The following LRMDA variants were observed in gnomAD, a reference collection of about 807,000 sequenced individuals.
LRMDA encodes the protein leucine-rich melanocyte differentiation-associated protein.
A neutral mutation model predicts 29.8 loss-of-function variants in LRMDA; 18 were observed. That is an observed-to-expected ratio of 0.60 (90% CI 0.42 to 0.90). LRMDA has a LOEUF of 0.90. Among genes scored for constraint, LRMDA ranks in the 40% least tolerant of loss-of-function variants. LRMDA has a pLI of 0.00. For missense variants in LRMDA, 273 were observed against 273.9 expected (o/e 1.00, Z 0.02); for synonymous variants, 125 against 109.4 (o/e 1.14, Z -0.89).
intron 2 of LRMDA, among the ~76,000 whole-genome samples, chr10:75,738,587 T>C (rs987497318): frequency 6.6e-6 from 1 of 152,178 alleles, no homozygotes; most frequent in African/African-American, 2.4e-5. Flanking sequence ...CAAAACGCCT[T>C]GACTTGGGTG....
At chr10:75,862,534 T>C (rs1844949794) in intron 2 of LRMDA, among the ~76,000 whole-genome samples, 1 of 152,152 alleles carries the variant, frequency 6.6e-6, no homozygotes, top group Non-Finnish European at 1.5e-5. Flanking sequence ...TGGAAGAATT[T>C]ATAAATCCAT....
chr10:76,538,486 A>G (rs1360090975), intron 6 of LRMDA, among the ~76,000 whole-genome samples: 1 of 135,174 alleles, frequency 7.4e-6, no homozygotes, highest in Admixed American at 7.2e-5. Flanking sequence ...ATACATATTT[A>G]TATAGTTATA....
intron 6 of LRMDA, among the ~76,000 whole-genome samples, chr10:76,438,343 G>A (rs920833343): frequency 3.9e-5 from 6 of 152,142 alleles, no homozygotes; most frequent in African/African-American, 7.2e-5. Context: ...CAAACACTGG[G>A]CTTTGGTTAT....
At chr10:76,146,137 T>C (rs1433268847) in intron 5 of LRMDA, among the ~76,000 whole-genome samples, 2 of 152,170 alleles carry the variant, frequency 1.3e-5, no homozygotes, top group Non-Finnish European at 2.9e-5. Flanking sequence ...GGAGTAGGTG[T>C]GGTGTGGTGC....
At chr10:76,363,176 A>AGAAAGAAAGAAAGAAG (rs1459442138) in intron 6 of LRMDA, among the ~76,000 whole-genome samples, 63 of 21,794 alleles carry the variant, frequency 2.9e-3, no homozygotes, top group Admixed American at 6.3e-3. Flanking sequence ...AAAGAAAGAA[A>AGAAAGAAAGAAAGAAG]GGAGGGAGGG....
chr10:75,602,755 G>C (rs1161919696), intron 2 of LRMDA, among the ~76,000 whole-genome samples: 1 of 152,114 alleles, frequency 6.6e-6, no homozygotes, highest in Non-Finnish European at 1.5e-5. Flanking sequence ...TGAAGTGTTG[G>C]CTCATATTGT....
intron 2 of LRMDA, among the ~76,000 whole-genome samples, chr10:75,756,830 T>C (rs1564559806): frequency 1.3e-5 from 2 of 152,216 alleles, no homozygotes; most frequent in Non-Finnish European, 2.9e-5. Flanking sequence ...TTGGTTCAAA[T>C]GATTCTAAAG....
chr10:75,557,550 T>G (rs1012291185), intron 2 of LRMDA, among the ~76,000 whole-genome samples: 3 of 152,100 alleles, frequency 2.0e-5, no homozygotes, highest in Non-Finnish European at 4.4e-5. Context: ...TAAAGGGAAA[T>G]GACTTTCTTA....
intron 6 of LRMDA, among the ~76,000 whole-genome samples, chr10:76,386,991 A>G (rs771560466): frequency 3.3e-5 from 5 of 152,120 alleles, no homozygotes; most frequent in Admixed American, 6.5e-5. Flanking sequence ...AAATAAAACT[A>G]TTACTGAGGG....
intron 6 of LRMDA, among the ~76,000 whole-genome samples, chr10:76,454,627 C>T (rs1389179994): frequency 6.6e-6 from 1 of 150,760 alleles, no homozygotes; most frequent in African/African-American, 2.4e-5. Flanking sequence ...CACCCCCCAC[C>T]CCGCCCGACT....
chr10:76,456,489 G>A (rs1213820479), intron 6 of LRMDA, among the ~76,000 whole-genome samples: 1 of 152,144 alleles, frequency 6.6e-6, no homozygotes, highest in Non-Finnish European at 1.5e-5. Context: ...AGCTGTATTT[G>A]CTCAGGGTGA....
chr10:75,480,558 C>T (rs1844844622), intron 2 of LRMDA, among the ~76,000 whole-genome samples: 1 of 152,254 alleles, frequency 6.6e-6, no homozygotes, highest in South Asian at 2.1e-4. Flanking sequence ...AGACAATGAA[C>T]AAGTGTATTC....
At position 76,378,890 on chromosome 10, in the gene LRMDA, T is replaced by C. The variant is rs142666985; in HGVS notation, c.601+54405T>C. On this transcript the variant is annotated intron_variant, in intron 6 of 6. Coordinates refer to ENST00000611255, the MANE Select transcript of LRMDA (RefSeq NM_001305581.2). ...TTTTTTTTTTGAGACGATGTCTTGCTCTGTCTCCCACGCTGGAGTGCAGTG... is the reference window on the plus strand; with the variant it reads ...TTTTTTTTTTGAGACGATGTCTTGCCCTGTCTCCCACGCTGGAGTGCAGTG... 7.8e-3 allele frequency among the ~76,000 whole-genome samples: 1,056 copies of C among 136,204 alleles called. 28 individuals are homozygous for C. In the South Asian group the frequency reaches 0.093, roughly 12 times the overall value. 89.4% of individuals were successfully genotyped at this position (136,204 alleles called of 152,430 possible).
intron 2 of LRMDA, among the ~76,000 whole-genome samples, chr10:75,846,826 A>G (rs910677883): frequency 2.6e-5 from 4 of 152,230 alleles, no homozygotes; most frequent in African/African-American, 9.6e-5. Context: ...AAACTTGTAC[A>G]AAAAGTATAA....
chr10:75,463,724 A>G (rs1218999410), intron 2 of LRMDA, among the ~76,000 whole-genome samples: 3 of 151,850 alleles, frequency 2.0e-5, no homozygotes, highest in Non-Finnish European at 4.4e-5. Context: ...CTGGAGTGCA[A>G]TGGCGCGATC....
intron 2 of LRMDA, among the ~76,000 whole-genome samples, chr10:75,670,650 C>T (rs772538429): frequency 6.6e-5 from 10 of 152,072 alleles, no homozygotes; most frequent in East Asian, 3.9e-4. Context: ...GCTTGGTGTG[C>T]GTTGACCATT....
chr10:75,640,373 T>C (rs1431355172), intron 2 of LRMDA, among the ~76,000 whole-genome samples: 1 of 152,136 alleles, frequency 6.6e-6, no homozygotes, highest in Non-Finnish European at 1.5e-5. Context: ...ATAGGAACAC[T>C]GGAAATACTA....
intron 5 of LRMDA, among the ~76,000 whole-genome samples, chr10:76,165,663 C>T (rs1455748827): frequency 6.6e-6 from 1 of 152,188 alleles, no homozygotes; most frequent in Non-Finnish European, 1.5e-5. Context: ...GCAAACATAT[C>T]CTTCTTCACA....
intron 2 of LRMDA, among the ~76,000 whole-genome samples, chr10:75,968,115 G>A (rs1169010870): frequency 2.6e-5 from 4 of 152,002 alleles, no homozygotes; most frequent in Admixed American, 6.5e-5. Flanking sequence ...GGGAGTGCTC[G>A]CAGCATCTCT....
Sources: allele counts gnomAD v4.1 joint callset (sites outside exome capture counted in the v4.1 genomes callset), GRCh38; gene constraint gnomAD v4.1.1; transcripts MANE v1.5; gene names NCBI Gene and HGNC (gene_info 2026-07-23, HGNC 2026-07-21).